UBR2: variants seen among roughly 807,000 people sequenced by gnomAD.
UBR2 encodes ubiquitin protein ligase E3 component n-recognin 2, also known as E3 ubiquitin-protein ligase UBR2.
In UBR2, 92 loss-of-function variants were observed where a neutral mutation model predicts 247.9. The observed-to-expected ratio is 0.37, with a 90% CI of 0.31 to 0.44. The LOEUF (loss-of-function observed/expected upper bound fraction) is 0.44, where lower values mean the gene tolerates loss of function less well. Ranked by LOEUF, UBR2 falls within the 20% of genes least tolerant of loss-of-function variation. UBR2 has a pLI of 1.00. For synonymous variants in UBR2, 672 were observed against 693.5 expected (o/e 0.97, Z 0.49); for missense variants, 1,613 against 2,112.6 (o/e 0.76, Z 4.64).
intron 13 of UBR2, among the ~76,000 whole-genome samples, chr6:42,634,883 A>G (rs890394197): frequency 3.9e-5 from 6 of 152,196 alleles, no homozygotes; most frequent in African/African-American, 1.4e-4. Flanking sequence ...AGTATTCTGT[A>G]TTCTCTATTG....
intron 1 of UBR2, among the ~76,000 whole-genome samples, chr6:42,572,993 CG>C (rs1335667283): frequency 6.6e-6 from 1 of 152,020 alleles, no homozygotes; most frequent in African/African-American, 2.4e-5. Context: ...TCAGATTTTT[CG>C]GTGTGGATAC....
chr6:42,655,732 A>G lies in UBR2; in HGVS notation c.2872+9A>G. ...CACTCAGAAGATATCAAGTATGTAT[A>G]TATCTTTTTACTAAACTAACTCAAG... On this transcript the variant is annotated intron_variant, in intron 26 of 46. Coordinates refer to ENST00000372901, the MANE Select transcript of UBR2 (RefSeq NM_001363705.2). 6.9e-7 allele frequency: 1 copy of G among 1,457,860 alleles called. No homozygotes were observed. The highest frequency in any genetic ancestry group is 9.2e-7 in the Non-Finnish European group (1 of 1,088,752). 90.3% of individuals were successfully genotyped at this position (1,457,860 alleles called of 1,614,324 possible). A position where few individuals can be genotyped will look rare whatever the true frequency, so the allele number is the denominator to read the frequency against.
chr6:42,612,025 C>T (rs1280562571), intron 7 of UBR2, 146 bp from the exon 8 acceptor site: 3 of 611,690 alleles, frequency 4.9e-6, no homozygotes, highest in Non-Finnish European at 7.3e-6. Flanking sequence ...TCAAGTAAGG[C>T]AAGGAGAATG....
chr6:42,619,601 T>G (rs1794845042), intron 11 of UBR2: 1 of 212,536 alleles, frequency 4.7e-6, no homozygotes, highest in South Asian at 1.8e-4. Context: ...ATAGAAAAAT[T>G]AGCCAGGCGT....
chr6:42,632,893 A>G lies in UBR2; in HGVS notation c.1534A>G (p.Lys512Glu). ...GTTTGATGCCTTTTTGGAATTACTA[A>G]AATGTATGCAGGTATGTAAAAACTG... ...EGFDAFLELL[K>E]CMQGMDPITR... Residue 512 changes from lysine to glutamate, a missense_variant, in exon 13 of 47, where the codon AAA (lysine) becomes GAA (glutamate). Physicochemically the swap from Lys to Glu is moderately conservative, Grantham distance 56. Coordinates refer to ENST00000372901, the MANE Select transcript of UBR2 (RefSeq NM_001363705.2). 6.3e-7 allele frequency: 1 copy of G among 1,585,796 alleles called. No homozygotes were observed. The highest frequency in any genetic ancestry group is 8.5e-7 in the Non-Finnish European group (1 of 1,171,084).
At chr6:42,607,964 G>A (rs1343124713) in intron 7 of UBR2, among the ~76,000 whole-genome samples, 3 of 151,910 alleles carry the variant, frequency 2.0e-5, no homozygotes, top group Non-Finnish European at 4.4e-5. Flanking sequence ...GTGTTGATAA[G>A]TGTTGCTGTA....
Position 42,610,848 on chromosome 6 carries a change from C to CT in UBR2, c.865-1309dup, listed in dbSNP as rs1284620883. On this transcript the variant is annotated intron_variant, in intron 7 of 46. Coordinates refer to ENST00000372901, the MANE Select transcript of UBR2 (RefSeq NM_001363705.2). ...GATGAAAGTTTTATATGTATTTTAC[C>CT]TTTTTTTTTTTTTTGAGACGGAGTT... is the stretch of plus-strand genomic sequence containing the variant. Among the ~76,000 whole-genome samples the CT allele has an allele frequency of 7.6e-3, 1,080 of 141,622 alleles. 4 individuals carry two copies. The highest frequency in any genetic ancestry group is 0.018 in the Middle Eastern group (5 of 274). 92.9% of individuals were successfully genotyped at this position (141,622 alleles called of 152,430 possible). A position where few individuals can be genotyped will look rare whatever the true frequency, so the allele number is the denominator to read the frequency against.
intron 7 of UBR2, among the ~76,000 whole-genome samples, chr6:42,608,351 C>G (rs1174089783): frequency 2.0e-5 from 3 of 152,100 alleles, no homozygotes; most frequent in Non-Finnish European, 4.4e-5. Context: ...GACACTGGGG[C>G]TCACATCTGT....
chr6:42,689,495 A>T lies in UBR2; in HGVS notation c.5025-74A>T, dbSNP rs191559580. 7.2e-7 allele frequency: 1 copy of T among 1,392,602 alleles called. No homozygotes were observed. Among genetic ancestry groups the T allele is most frequent in the Admixed American group, 1.7e-5 (1 of 59,410 alleles). 86.3% of individuals were successfully genotyped at this position (1,392,602 alleles called of 1,614,324 possible). A position where few individuals can be genotyped will look rare whatever the true frequency, so the allele number is the denominator to read the frequency against. ...TTAAATATCAGTACTATAAGACTTC[A>T]TTCTATTTGGAACTGAATACAAATG... On this transcript the variant is annotated intron_variant, in intron 45 of 46. Transcript: ENST00000372901. The surrounding 1 kb of genome is among the most constrained non-coding windows in gnomAD (Gnocchi z 4.0).
At position 42,652,495 on chromosome 6, in the gene UBR2, C is replaced by T. The variant is rs143276658; in HGVS notation, c.2619C>T (p.Leu873=). ...LKRQNREDTA[L]PPPVLPPFCP... ...TAATAACAACTGTATTTTCAGCACT[C>T]CCACCTCCGGTGTTGCCTCCATTCT... Residue 873 remains leucine, a synonymous_variant, in exon 25 of 47, where the codon CTC becomes CTT. Coordinates refer to ENST00000372901, the MANE Select transcript of UBR2 (RefSeq NM_001363705.2). The T allele has an allele frequency of 2.2e-5, 35 of 1,600,592 alleles. No individual in the cohort carries two copies. In the East Asian group the frequency reaches 7.4e-4, roughly 34 times the overall value.
At chr6:42,614,375 T>TATACATGTATGTACGTACATACATAC (rs70990112) in intron 8 of UBR2, among the ~76,000 whole-genome samples, 1 of 69,752 alleles carries the variant, frequency 1.4e-5, no homozygotes, top group Non-Finnish European at 3.0e-5. Flanking sequence ...TGTGTATGTG[T>TATACATGTATGTACGTACATACATAC]GTATATATGT....
At chr6:42,597,894 C>G (rs1793094313) in intron 4 of UBR2, among the ~76,000 whole-genome samples, 1 of 150,238 alleles carries the variant, frequency 6.7e-6, no homozygotes, top group African/African-American at 2.5e-5. Context: ...CCAGCCTGGA[C>G]AAGAACGAAA....
intron 1 of UBR2, among the ~76,000 whole-genome samples, chr6:42,568,257 A>AT (rs1333391908): frequency 6.6e-6 from 1 of 152,146 alleles, no homozygotes. Flanking sequence ...TATCACCCCA[A>AT]AAAAGAAATC....
At position 42,585,318 on chromosome 6, in the gene UBR2, A is replaced by G. The variant is rs889460596; in HGVS notation, c.339-6833A>G. Among the ~76,000 whole-genome samples, 7 of 152,096 alleles carry G rather than the reference A, an allele frequency of 4.6e-5. No homozygotes were observed. In the East Asian group the frequency reaches 7.7e-4, roughly 17 times the overall value. ...TATTATCATGAATTATAACTTTTGT[A>G]TATTGCTGGATTCAACTCGTTAATG... On this transcript the variant is annotated intron_variant, in intron 2 of 46. Coordinates refer to ENST00000372901, the MANE Select transcript of UBR2 (RefSeq NM_001363705.2).
intron 35 of UBR2, 38 bp downstream of exon 35, chr6:42,670,278 C>T (rs756843649): frequency 1.1e-5 from 18 of 1,598,252 alleles, no homozygotes; most frequent in East Asian, 4.5e-5. Context: ...AAGTCACAAG[C>T]ATTCATTGAT....
chr6:42,564,285 G>A lies in UBR2; in HGVS notation c.-35G>A, dbSNP rs1454299451. On this transcript the variant is annotated 5_prime_UTR_variant, in exon 1 of 47. Transcript: ENST00000372901. The stretch of plus-strand genomic sequence containing the variant: ...GCCGAGGTGAGGCTGCAGCTCTCCG[G>A]GCGGCGGTAGCGCTGGGGAGGAGGA... 2 of 1,593,386 alleles carry A rather than the reference G, an allele frequency of 1.3e-6. No homozygotes were observed. The highest frequency in any genetic ancestry group is 2.7e-5 in the African/African-American group (2 of 74,696).
At chr6:42,688,527 C>T (rs894400831) in intron 45 of UBR2, 141 bp downstream of exon 45, 12 of 956,276 alleles carry the variant, frequency 1.3e-5, no homozygotes, top group African/African-American at 1.2e-4. Flanking sequence ...AGCTCCTTGT[C>T]GCCTCACATC....
intron 30 of UBR2, among the ~76,000 whole-genome samples, chr6:42,660,387 A>G (rs1797728619): frequency 6.6e-6 from 1 of 152,130 alleles, no homozygotes; most frequent in African/African-American, 2.4e-5. Context: ...CTGAGGGAGT[A>G]AAGCAGGGAG....
chr6:42,691,283 C>T lies in UBR2; in HGVS notation c.*110C>T, dbSNP rs992674253. The T allele has an allele frequency of 8.2e-6, 12 of 1,471,436 alleles. No individual in the cohort carries two copies. Among genetic ancestry groups the T allele is most frequent in the African/African-American group, 1.4e-5 (1 of 69,646 alleles). The allele number at this position is 1,471,436 out of a possible 1,614,324, so 91.1% of individuals were successfully genotyped here. On this transcript the variant is annotated 3_prime_UTR_variant, in exon 47 of 47. Coordinates refer to ENST00000372901, the MANE Select transcript of UBR2 (RefSeq NM_001363705.2). ...AAATAAATTCTTTATTTAAACTTTC[C>T]TTCCCAGTTTTATAGTTTCTGGTTC...
Sources: allele counts gnomAD v4.1 joint callset (sites outside exome capture counted in the v4.1 genomes callset), GRCh38; gene constraint gnomAD v4.1.1; non-coding constraint Gnocchi (gnomAD v3.1); transcripts MANE v1.5; gene names NCBI Gene and HGNC (gene_info 2026-07-23, HGNC 2026-07-21).